ZSCAN18: variants seen among roughly 807,000 people sequenced by gnomAD.
ZSCAN18 encodes the protein zinc finger and SCAN domain containing 18.
Under a neutral mutation model 31.1 loss-of-function variants are expected in ZSCAN18, and 16 were observed. The observed-to-expected ratio is 0.51, with a 90% confidence interval of 0.35 to 0.78. ZSCAN18 has a LOEUF of 0.78. Ranked by LOEUF, ZSCAN18 falls within the 30% of genes least tolerant of loss-of-function variation. ZSCAN18 has a pLI of 0.01. For synonymous variants in ZSCAN18, 375 were observed against 320.7 expected (o/e 1.17, Z -1.81); for missense variants, 731 against 697.4 (o/e 1.05, Z -0.54).
chr19:58,107,581 G>A (rs994184580), intron 1 of ZSCAN18: 15 of 814,794 alleles, frequency 1.8e-5, no homozygotes, highest in African/African-American at 3.7e-5. Flanking sequence ...ATAAAATATT[G>A]AGTGCACCAT....
At chr19:58,116,474 G>C (rs2074731035) in intron 1 of ZSCAN18, among the ~76,000 whole-genome samples, 1 of 152,036 alleles carries the variant, frequency 6.6e-6, no homozygotes, top group Non-Finnish European at 1.5e-5. Context: ...AAGAACTGCA[G>C]AATCTGTCAC....
At position 58,098,157 on chromosome 19, in the gene ZSCAN18, C is replaced by A; in HGVS notation, c.-120+17G>T. On this transcript the variant is annotated intron_variant, in intron 1 of 6. Coordinates refer to ENST00000601144, the MANE Select transcript of ZSCAN18 (RefSeq NM_001145543.2). ...TCGCTCTCTGACCCCCGCGCTGCAT[C>A]CCCGGGACCGACCCACCTGCTGCGC... is the stretch of plus-strand genomic sequence containing the variant. 1.0e-6 allele frequency: 1 copy of A among 985,550 alleles called. No homozygotes were observed. The highest frequency in any genetic ancestry group is 4.7e-5 in the South Asian group (1 of 21,298). 61.1% of individuals were successfully genotyped at this position (985,550 alleles called of 1,614,324 possible).
rs2146011496 is a variant in ZSCAN18, at chr19:58,098,164, A to C, written c.-120+10T>G. 1 of 985,486 alleles carries C rather than the reference A, an allele frequency of 1.0e-6. No individual in the cohort carries two copies. The highest frequency in any genetic ancestry group is 1.2e-6 in the Non-Finnish European group (1 of 830,032). The allele number at this position is 985,486 out of a possible 1,614,324, so 61.0% of individuals were successfully genotyped here. ...CTGACCCCCGCGCTGCATCCCCGGGACCGACCCACCTGCTGCGCAGCTACC... is the reference window on the plus strand; with the variant it reads ...CTGACCCCCGCGCTGCATCCCCGGGCCCGACCCACCTGCTGCGCAGCTACC... On this transcript the variant is annotated intron_variant, in intron 1 of 6. Coordinates refer to ENST00000601144, the MANE Select transcript of ZSCAN18 (RefSeq NM_001145543.2).
intron 3 of ZSCAN18, chr19:58,088,266 G>A (rs1231139697): frequency 1.9e-5 from 3 of 160,388 alleles, no homozygotes; most frequent in African/African-American, 4.8e-5. Context: ...ACCACAGCCT[G>A]GGGGACCCAC....
intron 1 of ZSCAN18, chr19:58,092,847 T>A (rs1448807615): frequency 2.8e-6 from 1 of 359,056 alleles, no homozygotes; most frequent in Non-Finnish European, 3.9e-6. Flanking sequence ...GATCATAGCT[T>A]ATTGCAGCCT....
At chr19:58,113,999 G>A (rs1041386754) in intron 1 of ZSCAN18, among the ~76,000 whole-genome samples, 8 of 151,484 alleles carry the variant, frequency 5.3e-5, no homozygotes, top group Non-Finnish European at 1.0e-4. Flanking sequence ...GCTGGGCGTG[G>A]TGGCTCGCGC....
At chr19:58,087,134 G>T in intron 4 of ZSCAN18, 126 bp from the exon 5 acceptor site, 1 of 985,066 alleles carries the variant, frequency 1.0e-6, no homozygotes, top group Non-Finnish European at 1.5e-6. Context: ...CAGGTGCACT[G>T]CAGGAGGCAG....
In ZSCAN18 at chr19:58,112,888, G is replaced by GCT. The variant is rs2146028982; in HGVS notation, c.130+5378_130+5379insAG. ...ATCACTTGAACCTGGGAGGCAGAAGGTGCAGTGAACCAAAATCACACCACT... is the reference window on the plus strand; with the variant it reads ...ATCACTTGAACCTGGGAGGCAGAAGGCTTGCAGTGAACCAAAATCACACCACT... On this transcript the variant is annotated intron_variant, in intron 1 of 1. Transcript: ENST00000595721. Among the ~76,000 whole-genome samples, 3 of 122,724 alleles carry GCT rather than the reference G, an allele frequency of 2.4e-5. No homozygotes were observed. In the South Asian group the frequency reaches 8.4e-4, roughly 34 times the overall value. The allele number at this position is 122,724 out of a possible 152,430, so 80.5% of individuals were successfully genotyped here.
chr19:58,098,229 G>A lies in ZSCAN18; in HGVS notation c.-175C>T. ...GCCGCCCGGAGCCCCAGTGCGCGAT[G>A]GCGGCCGGCAAACTGCGCCTGCGCA... is the stretch of plus-strand genomic sequence containing the variant. On this transcript the variant is annotated 5_prime_UTR_variant, in exon 1 of 7. Transcript: ENST00000601144. 1 of 985,510 alleles carries A rather than the reference G, an allele frequency of 1.0e-6. No individual in the cohort carries two copies. The allele number at this position is 985,510 out of a possible 1,614,324, so 61.0% of individuals were successfully genotyped here.
chr19:58,086,654 C>A (rs940064748), intron 5 of ZSCAN18: 2 of 509,818 alleles, frequency 3.9e-6, no homozygotes, highest in African/African-American at 3.9e-5. Flanking sequence ...AATGTGGGCG[C>A]CTTGGGGCCA....
intron 1 of ZSCAN18, among the ~76,000 whole-genome samples, chr19:58,118,096 C>T (rs10412209): frequency 3.0e-4 from 45 of 152,020 alleles, no homozygotes; most frequent in African/African-American, 1.0e-3. Flanking sequence ...ACACGCGGGA[C>T]GGTCCGCGCC....
chr19:58,113,777 G>A (rs1260189408), intron 1 of ZSCAN18, among the ~76,000 whole-genome samples: 9 of 152,090 alleles, frequency 5.9e-5, no homozygotes, highest in East Asian at 5.8e-4. Flanking sequence ...TCAGGAGTTC[G>A]AGACCAGCCT....
chr19:58,101,158 A>T (rs2074590331), upstream of ZSCAN18, among the ~76,000 whole-genome samples: 4 of 138,806 alleles, frequency 2.9e-5, no homozygotes, highest in Admixed American at 2.3e-4. Context: ...TTTGAGACAG[A>T]GTCTTGCTCA....
At chr19:58,095,472 C>A (rs964718230) in intron 1 of ZSCAN18, among the ~76,000 whole-genome samples, 1 of 152,182 alleles carries the variant, frequency 6.6e-6, no homozygotes, top group Non-Finnish European at 1.5e-5. Flanking sequence ...CCCGTCCAGG[C>A]CCATAAGCCT....
intron 1 of ZSCAN18, among the ~76,000 whole-genome samples, chr19:58,111,370 A>G (rs1272686153): frequency 6.6e-6 from 1 of 152,078 alleles, no homozygotes; most frequent in Non-Finnish European, 1.5e-5. Flanking sequence ...TTTTTAAGAC[A>G]GGGTCTCATT....
intron 5 of ZSCAN18, 79 bp from the exon 6 acceptor site, chr19:58,086,345 C>A: frequency 7.4e-7 from 1 of 1,345,474 alleles, no homozygotes; most frequent in Non-Finnish European, 1.1e-6. Flanking sequence ...GTGGGCCAGC[C>A]AGGGCAGGCT....
rs1269124629 is a variant in ZSCAN18 at position 58,089,298 on chromosome 19, G to A, written c.404-461C>T. On this transcript the variant is annotated intron_variant, in intron 2 of 6. Coordinates refer to ENST00000601144, the MANE Select transcript of ZSCAN18 (RefSeq NM_001145543.2). ...AGCCTGGGCGACAGAGCGAGACTCC[G>A]TCTCAAAAAAAAAAAAAAAAAAAAA... is the stretch of plus-strand genomic sequence containing the variant. Among the ~76,000 whole-genome samples the A allele has an allele frequency of 7.7e-4, 47 of 60,980 alleles. 2 individuals carry two copies. The East Asian group carries it at 0.02, about 25-fold the overall frequency. The allele number at this position is 60,980 out of a possible 152,430, so 40.0% of individuals were successfully genotyped here. A position where few individuals can be genotyped will look rare whatever the true frequency, so the allele number is the denominator to read the frequency against.
At chr19:58,098,091 C>G in intron 1 of ZSCAN18, 83 bp downstream of exon 1, 1 of 985,426 alleles carries the variant, frequency 1.0e-6, no homozygotes, top group Non-Finnish European at 1.2e-6. Flanking sequence ...CTTTCCCTAA[C>G]GCTGCCCACT....
At chr19:58,094,073 T>C (rs545501234) in intron 1 of ZSCAN18, among the ~76,000 whole-genome samples, 1 of 151,722 alleles carries the variant, frequency 6.6e-6, no homozygotes, top group East Asian at 2.0e-4. Context: ...CCTTCAACCA[T>C]TTTTTAAATT....
Sources: allele counts gnomAD v4.1 joint callset (sites outside exome capture counted in the v4.1 genomes callset), GRCh38; gene constraint gnomAD v4.1.1; transcripts MANE v1.5; gene names NCBI Gene and HGNC (gene_info 2026-07-23, HGNC 2026-07-21).